CSMD1: variants seen among roughly 807,000 people sequenced by gnomAD.
CSMD1 encodes the protein CUB and sushi domain-containing protein 1.
A neutral mutation model predicts 417.5 loss-of-function variants in CSMD1; 213 were observed. That is an observed-to-expected ratio of 0.51 (90% CI 0.46 to 0.57). The LOEUF (loss-of-function observed/expected upper bound fraction) is 0.57. Among genes scored for constraint, CSMD1 ranks in the 20% least tolerant of loss-of-function variants. CSMD1 has a pLI of 0.00. For synonymous variants in CSMD1, 2,862 were observed against 1,736.8 expected (o/e 1.65, Z -16.11); for missense variants, 6,923 against 4,529.7 (o/e 1.53, Z -15.17).
intron 26 of CSMD1, among the ~76,000 whole-genome samples, chr8:3,283,642 T>C (rs528443588): frequency 1.3e-5 from 2 of 152,136 alleles, no homozygotes; most frequent in Admixed American, 1.3e-4. Flanking sequence ...ATAGAATAAT[T>C]CTCTGGCCTT....
At chr8:4,217,562 G>C (rs369216726) in intron 3 of CSMD1, among the ~76,000 whole-genome samples, 2 of 151,948 alleles carry the variant, frequency 1.3e-5, no homozygotes, top group Non-Finnish European at 2.9e-5. Flanking sequence ...AAGGCTTTAC[G>C]CAGCAAAGGT....
chr8:3,558,292 T>A (rs962036893), intron 10 of CSMD1, among the ~76,000 whole-genome samples: 1 of 149,736 alleles, frequency 6.7e-6, no homozygotes, highest in Non-Finnish European at 1.5e-5. Flanking sequence ...GGTGCCTCAA[T>A]GGAACTCCGT....
intron 5 of CSMD1, among the ~76,000 whole-genome samples, chr8:3,772,710 C>CAT (rs756161334): frequency 3.0e-4 from 44 of 145,220 alleles, no homozygotes; most frequent in East Asian, 5.9e-4. Flanking sequence ...TACACACACA[C>CAT]ATATATATAT....
At position 4,190,012 on chromosome 8, in the gene CSMD1, A is replaced by C. The variant is rs573137573; in HGVS notation, c.416-157913T>G. Among the ~76,000 whole-genome samples, 3 of 152,050 alleles carry C rather than the reference A, an allele frequency of 2.0e-5. No individual in the cohort carries two copies. The East Asian group carries it at 5.8e-4, about 29-fold the overall frequency. On this transcript the variant is annotated intron_variant, in intron 3 of 69. Transcript: ENST00000635120. Reference sequence around the variant, plus strand: ...GGTGGCTCACGCCTGAAATCCCAGCACTTTGGGAGGCCAAGGCAGGTAGAA... The same window carrying C: ...GGTGGCTCACGCCTGAAATCCCAGCCCTTTGGGAGGCCAAGGCAGGTAGAA...
At chr8:3,741,934 TC>T (rs1355495387) in intron 6 of CSMD1, among the ~76,000 whole-genome samples, 2 of 151,892 alleles carry the variant, frequency 1.3e-5, no homozygotes, top group Non-Finnish European at 1.5e-5. Flanking sequence ...CATAATTATT[TC>T]CCACAAATGG....
intron 1 of CSMD1, among the ~76,000 whole-genome samples, chr8:4,903,793 A>T (rs563530584): frequency 3.3e-5 from 5 of 152,292 alleles, no homozygotes; most frequent in African/African-American, 1.2e-4. Context: ...TAGCAGCAGG[A>T]CCTACTGTTA....
chr8:4,727,307 A>C (rs1809524873), intron 1 of CSMD1, among the ~76,000 whole-genome samples: 1 of 152,220 alleles, frequency 6.6e-6, no homozygotes, highest in South Asian at 2.1e-4. Context: ...TAAGTAATTT[A>C]ATTAAGTGTT....
intron 1 of CSMD1, among the ~76,000 whole-genome samples, chr8:4,725,825 G>A (rs991991286): frequency 6.6e-6 from 1 of 152,104 alleles, no homozygotes; most frequent in Non-Finnish European, 1.5e-5. Context: ...TGAGTGTAAT[G>A]TTCACGACGT....
chr8:3,262,445 T>C (rs1411712735), intron 26 of CSMD1, among the ~76,000 whole-genome samples: 1 of 151,008 alleles, frequency 6.6e-6, no homozygotes, highest in South Asian at 2.1e-4. Flanking sequence ...CTTGGAATAA[T>C]AATAAATACT....
chr8:4,123,259 G>C (rs3891533), intron 3 of CSMD1, among the ~76,000 whole-genome samples: 2 of 152,060 alleles, frequency 1.3e-5, no homozygotes, highest in Non-Finnish European at 2.9e-5. Context: ...AATGATACAG[G>C]CTTTGTAGCT....
At chr8:3,167,543 A>C (rs1401900965) in intron 37 of CSMD1, among the ~76,000 whole-genome samples, 1 of 152,224 alleles carries the variant, frequency 6.6e-6, no homozygotes, top group Non-Finnish European at 1.5e-5. Flanking sequence ...TTTATACAAT[A>C]TTATCCACTG....
chr8:4,402,192 G>C (rs1435734397), intron 3 of CSMD1, among the ~76,000 whole-genome samples: 2 of 152,052 alleles, frequency 1.3e-5, no homozygotes, highest in Middle Eastern at 3.4e-3. Context: ...CCAAAATTGC[G>C]ACTTTCTGAC....
chr8:4,774,091 G>A (rs972393315), intron 1 of CSMD1, among the ~76,000 whole-genome samples: 1 of 152,316 alleles, frequency 6.6e-6, no homozygotes, highest in Middle Eastern at 3.4e-3. Context: ...CAGCTACTCA[G>A]GAGGCTGAGG....
chr8:4,692,164 G>A (rs936590346), intron 1 of CSMD1, among the ~76,000 whole-genome samples: 1 of 152,100 alleles, frequency 6.6e-6, no homozygotes, highest in Non-Finnish European at 1.5e-5. Context: ...TGTCCCTTCT[G>A]GAAACCAGCA....
At chr8:4,937,457 G>C (rs977308334) in intron 1 of CSMD1, among the ~76,000 whole-genome samples, 2 of 151,988 alleles carry the variant, frequency 1.3e-5, no homozygotes, top group African/African-American at 2.4e-5. Flanking sequence ...TAATACTAAG[G>C]CAAGGTATTT....
rs77964648 is a variant in CSMD1, at chr8:4,110,173, G to C, written c.416-78074C>G. Among the ~76,000 whole-genome samples, 95 of 152,114 alleles carry C rather than the reference G, an allele frequency of 6.2e-4. 2 individuals carry two copies. Among genetic ancestry groups the C allele is most frequent in the Middle Eastern group, 3.4e-3 (1 of 294 alleles). ...ATATGCAAATCTGCCATTTCATCTG[G>C]ATCACATATCTAAAGAATAAAATTT... is the stretch of plus-strand genomic sequence containing the variant. On this transcript the variant is annotated intron_variant, in intron 3 of 69. Transcript: ENST00000635120.
At chr8:4,826,879 G>A (rs1315704925) in intron 1 of CSMD1, among the ~76,000 whole-genome samples, 1 of 149,302 alleles carries the variant, frequency 6.7e-6, no homozygotes, top group African/African-American at 2.4e-5. Flanking sequence ...ACTAGATTTA[G>A]AGTGATTATT....
At chr8:3,338,170 C>T (rs1001042004) in intron 23 of CSMD1, among the ~76,000 whole-genome samples, 1 of 152,178 alleles carries the variant, frequency 6.6e-6, no homozygotes, top group Non-Finnish European at 1.5e-5. Flanking sequence ...CAAGACACAA[C>T]GTATTTGATA....
chr8:4,334,524 A>T (rs572977851), intron 3 of CSMD1, among the ~76,000 whole-genome samples: 1 of 152,264 alleles, frequency 6.6e-6, no homozygotes, highest in African/African-American at 2.4e-5. Context: ...GCATGAGCTA[A>T]TTCCTTAAAA....
Sources: allele counts gnomAD v4.1 joint callset (sites outside exome capture counted in the v4.1 genomes callset), GRCh38; gene constraint gnomAD v4.1.1; transcripts MANE v1.5; gene names NCBI Gene and HGNC (gene_info 2026-07-23, HGNC 2026-07-21).